The following CRPPA variants were observed in gnomAD, a reference collection of about 807,000 sequenced individuals.
The protein encoded by CRPPA is D-ribitol-5-phosphate cytidylyltransferase.
In CRPPA, 43 loss-of-function variants were observed where a neutral mutation model predicts 52.0. The ratio of observed to expected loss-of-function variants is 0.83; its 90% CI spans 0.65 to 1.07. CRPPA has a LOEUF of 1.07. CRPPA is among the 50% of genes least tolerant of loss of function. The probability of loss-of-function intolerance (pLI) is 0.00; values close to 1 mark genes in which losing one functional copy is unlikely to be tolerated. For missense variants in CRPPA, 629 were observed against 551.7 expected (o/e 1.14, Z -1.40); for synonymous variants, 250 against 203.5 (o/e 1.23, Z -1.94).
chr7:16,275,841 A>AAT (rs910745335), intron 6 of CRPPA, among the ~76,000 whole-genome samples: 24 of 151,772 alleles, frequency 1.6e-4, no homozygotes, highest in Middle Eastern at 3.2e-3. Flanking sequence ...ACAAACAAAA[A>AAT]ATATATATAT....
At chr7:16,263,259 C>A (rs1583476641) in intron 6 of CRPPA, among the ~76,000 whole-genome samples, 1 of 152,240 alleles carries the variant, frequency 6.6e-6, no homozygotes, top group Middle Eastern at 3.4e-3. Flanking sequence ...TCTACCTATT[C>A]AAATCCTAGC....
intron 9 of CRPPA, among the ~76,000 whole-genome samples, chr7:16,179,891 C>G (rs900160424): frequency 3.3e-5 from 5 of 152,090 alleles, no homozygotes; most frequent in Non-Finnish European, 7.4e-5. Context: ...GAATGACCAG[C>G]AATAGCAGGA....
At chr7:16,390,985 C>A (rs376198609) in intron 2 of CRPPA, among the ~76,000 whole-genome samples, 41 of 152,258 alleles carry the variant, frequency 2.7e-4, no homozygotes, top group Middle Eastern at 3.4e-3. Context: ...TACAGTCATT[C>A]TATTAATGAC....
chr7:16,118,103 T>C (rs889412077), intron 9 of CRPPA, among the ~76,000 whole-genome samples: 3 of 152,214 alleles, frequency 2.0e-5, no homozygotes, highest in Non-Finnish European at 2.9e-5. Context: ...TTAGAATGTA[T>C]CCATTCATTA....
At chr7:16,178,857 T>C (rs1019106260) in intron 9 of CRPPA, among the ~76,000 whole-genome samples, 9 of 152,106 alleles carry the variant, frequency 5.9e-5, no homozygotes, top group Non-Finnish European at 2.9e-5. Flanking sequence ...TTTATTATGT[T>C]CCTATCCCTG....
At chr7:16,170,183 T>C (rs995608990) in intron 9 of CRPPA, among the ~76,000 whole-genome samples, 1 of 152,196 alleles carries the variant, frequency 6.6e-6, no homozygotes, top group East Asian at 1.9e-4. Flanking sequence ...CTTAACAGTG[T>C]TATTTGCCCA....
rs868809101 is a variant in CRPPA at position 16,286,060 on chromosome 7, T to A, written c.836-7834A>T. Reference sequence around the variant, plus strand: ...AAAAATATAAATATATATATATATATATATATATATATATATATATAATAT... The same window carrying A: ...AAAAATATAAATATATATATATATAAATATATATATATATATATATAATAT... On this transcript the variant is annotated intron_variant, in intron 5 of 9. Coordinates refer to ENST00000407010, the MANE Select transcript of CRPPA (RefSeq NM_001101426.4). 2.9e-3 allele frequency among the ~76,000 whole-genome samples: 102 copies of A among 34,662 alleles called. 8 individuals carry two copies. The highest frequency in any genetic ancestry group is 0.017 in the African/African-American group (89 of 5,176). The allele number at this position is 34,662 out of a possible 152,430, so 22.7% of individuals were successfully genotyped here.
intron 3 of CRPPA, among the ~76,000 whole-genome samples, chr7:16,352,476 A>G (rs1187997129): frequency 6.6e-6 from 1 of 152,168 alleles, no homozygotes; most frequent in African/African-American, 2.4e-5. Context: ...CAAAAGACAT[A>G]CAAAGGTCCA....
intron 9 of CRPPA, among the ~76,000 whole-genome samples, chr7:16,094,336 G>C (rs1461501623): frequency 6.6e-6 from 1 of 152,034 alleles, no homozygotes; most frequent in Non-Finnish European, 1.5e-5. Context: ...ATATATTCAG[G>C]AAACTCTAGT....
Position 16,383,086 on chromosome 7 carries a change from A to T in CRPPA, c.535-6845T>A, listed in dbSNP as rs536363587. On this transcript the variant is annotated intron_variant, in intron 2 of 9. Transcript: ENST00000407010. ...AAGTGCTCTGCTTTTTAGAGTTTCC[A>T]GTTTTTCTGCTCTGTTTTTTCCCCA... Among the ~76,000 whole-genome samples the T allele has an allele frequency of 3.0e-4, 46 of 152,178 alleles. No individual in the cohort carries two copies. The South Asian group carries it at 8.7e-3, about 29-fold the overall frequency.
intron 5 of CRPPA, among the ~76,000 whole-genome samples, chr7:16,290,829 A>G (rs1035872203): frequency 3.3e-5 from 5 of 152,066 alleles, no homozygotes; most frequent in Non-Finnish European, 7.4e-5. Context: ...CAGCAAAGAA[A>G]ATCAACAGAG....
intron 8 of CRPPA, among the ~76,000 whole-genome samples, chr7:16,216,815 T>C (rs1243963969): frequency 6.6e-6 from 1 of 152,136 alleles, no homozygotes; most frequent in Non-Finnish European, 1.5e-5. Flanking sequence ...CACTGATTGC[T>C]AGCACAGCAG....
intron 9 of CRPPA, among the ~76,000 whole-genome samples, chr7:16,206,267 A>G (rs975252286): frequency 6.6e-6 from 1 of 152,138 alleles, no homozygotes; most frequent in Non-Finnish European, 1.5e-5. Flanking sequence ...ATGTAAATAC[A>G]TACCAGTAGG....
At chr7:16,176,750 C>T (rs34947249) in intron 9 of CRPPA, among the ~76,000 whole-genome samples, 62,200 of 151,472 alleles carry the variant, frequency 0.41, 13,560 homozygotes, top group South Asian at 0.62. Context: ...CAAAATTATT[C>T]TCCTAAAGTT....
Position 16,088,936 on chromosome 7 carries a change from C to T in CRPPA, c.*2759G>A, listed in dbSNP as rs768023973. ...TATATATCACGTCTTATATATCAGA[C>T]GTGGCTTATATATCAGATGTCTTTG... is the stretch of plus-strand genomic sequence containing the variant. On this transcript the variant is annotated 3_prime_UTR_variant, in exon 10 of 10. Coordinates refer to ENST00000407010, the MANE Select transcript of CRPPA (RefSeq NM_001101426.4). The T allele has an allele frequency of 1.2e-4, 25 of 202,868 alleles. No individual in the cohort carries two copies. The highest frequency in any genetic ancestry group is 5.6e-4 in the African/African-American group (25 of 44,392). The allele number at this position is 202,868 out of a possible 1,614,324, so 12.6% of individuals were successfully genotyped here. A position where few individuals can be genotyped will look rare whatever the true frequency, so the allele number is the denominator to read the frequency against.
chr7:16,260,836 G>A (rs1783775231), intron 6 of CRPPA, among the ~76,000 whole-genome samples: 1 of 151,988 alleles, frequency 6.6e-6, no homozygotes, highest in Non-Finnish European at 1.5e-5. Context: ...TTAGGACAGA[G>A]CTTAGGATCT....
rs556237390 is a variant in CRPPA, at chr7:16,289,696, A to G, written c.836-11470T>C. Among the ~76,000 whole-genome samples, 5 of 152,326 alleles carry G rather than the reference A, an allele frequency of 3.3e-5. No individual in the cohort carries two copies. In the South Asian group the frequency reaches 8.3e-4, roughly 25 times the overall value. On this transcript the variant is annotated intron_variant, in intron 5 of 9. Transcript: ENST00000407010. ...GACATACCTCAACACAATAAAAGCT[A>G]TATGTGATAAACCCACAGCTAGCAT...
chr7:16,112,277 T>C (rs1782281117), intron 9 of CRPPA, among the ~76,000 whole-genome samples: 1 of 152,066 alleles, frequency 6.6e-6, no homozygotes. Context: ...ATTGTGCCAC[T>C]GCACTACATC....
intron 8 of CRPPA, among the ~76,000 whole-genome samples, chr7:16,222,329 G>T (rs1782535531): frequency 6.9e-6 from 1 of 145,590 alleles, no homozygotes; most frequent in Non-Finnish European, 1.5e-5. Flanking sequence ...AGCATTGGGA[G>T]ATATACCTAA....
Sources: gnomAD v4.1 joint callset for allele counts (sites outside exome capture counted in the v4.1 genomes callset) on GRCh38, gnomAD v4.1.1 for gene constraint, MANE v1.5 for transcripts, NCBI Gene and HGNC (gene_info 2026-07-23, HGNC 2026-07-21) for gene names.